ANO10: variants seen among roughly 807,000 people sequenced by gnomAD.
ANO10 encodes the protein anoctamin-10.
Under a neutral mutation model 74.7 loss-of-function variants are expected in ANO10, and 77 were observed. The ratio of observed to expected loss-of-function variants is 1.03; its 90% CI spans 0.86 to 1.25. The LOEUF (loss-of-function observed/expected upper bound fraction) is 1.25. Among genes scored for constraint, ANO10 ranks in the 50% most tolerant of loss-of-function variants. ANO10 has a pLI of 0.00. For missense variants in ANO10, 721 were observed against 778.1 expected (o/e 0.93, Z 0.87); for synonymous variants, 279 against 284.9 (o/e 0.98, Z 0.21).
chr3:43,464,449 G>A (rs2075525072), intron 11 of ANO10, among the ~76,000 whole-genome samples: 1 of 152,190 alleles, frequency 6.6e-6, no homozygotes, highest in Admixed American at 6.5e-5. Flanking sequence ...GGAGGCCAAG[G>A]TGGGAGGATC....
chr3:43,609,428 A>T (rs2082710368), intron 1 of ANO10, among the ~76,000 whole-genome samples: 1 of 152,226 alleles, frequency 6.6e-6, no homozygotes, highest in South Asian at 2.1e-4. Flanking sequence ...AATAACAAAA[A>T]ATAGCAGCCA....
intron 12 of ANO10, 24 bp downstream of exon 12, chr3:43,432,586 AC>A: frequency 6.6e-7 from 1 of 1,520,072 alleles, no homozygotes; most frequent in Non-Finnish European, 9.1e-7. Context: ...AGCAATACAT[AC>A]ATTTTCAGGA....
chr3:43,418,082 G>C (rs1009802860), intron 12 of ANO10, among the ~76,000 whole-genome samples: 9 of 152,130 alleles, frequency 5.9e-5, no homozygotes, highest in African/African-American at 1.9e-4. Context: ...TTAAAGACTG[G>C]CCTGAGCAAC....
At chr3:43,515,006 G>A (rs553148268) in intron 11 of ANO10, among the ~76,000 whole-genome samples, 1 of 152,130 alleles carries the variant, frequency 6.6e-6, no homozygotes, top group African/African-American at 2.4e-5. Flanking sequence ...TCCATCTTCA[G>A]GAACTAGAAA....
At chr3:43,530,892 A>G (rs1044201497) in intron 11 of ANO10, among the ~76,000 whole-genome samples, 21 of 151,638 alleles carry the variant, frequency 1.4e-4, no homozygotes, top group Admixed American at 1.2e-3. Context: ...GTGTGTGTGT[A>G]TGTGTGTGTG....
intron 12 of ANO10, among the ~76,000 whole-genome samples, chr3:43,379,509 G>A (rs1047354299): frequency 2.0e-5 from 3 of 152,188 alleles, no homozygotes; most frequent in African/African-American, 7.2e-5. Context: ...AAAGCCAAGA[G>A]AATCCACAGA....
chr3:43,482,102 G>C (rs2076295351), intron 11 of ANO10, among the ~76,000 whole-genome samples: 1 of 151,448 alleles, frequency 6.6e-6, no homozygotes, highest in Admixed American at 6.6e-5. Context: ...CTAATTTTTT[G>C]TATTTTCAGT....
intron 11 of ANO10, among the ~76,000 whole-genome samples, chr3:43,513,428 A>G (rs2077585406): frequency 6.6e-6 from 1 of 152,266 alleles, no homozygotes; most frequent in Non-Finnish European, 1.5e-5. Flanking sequence ...GTAACCACTA[A>G]AACAACAAAA....
chr3:43,426,251 G>A (rs560655283), intron 12 of ANO10, among the ~76,000 whole-genome samples: 16 of 152,224 alleles, frequency 1.1e-4, no homozygotes, highest in Non-Finnish European at 1.3e-4. Context: ...TCAGGACCTC[G>A]AGACTGTTCC....
At chr3:43,393,987 G>GC (rs2092328229) in intron 12 of ANO10, among the ~76,000 whole-genome samples, 1 of 152,132 alleles carries the variant, frequency 6.6e-6, no homozygotes, top group African/African-American at 2.4e-5. Flanking sequence ...AGCTAGGAGA[G>GC]AATGAACACC....
chr3:43,520,869 C>T (rs1270624656), intron 11 of ANO10, among the ~76,000 whole-genome samples: 1 of 152,030 alleles, frequency 6.6e-6, no homozygotes, highest in Non-Finnish European at 1.5e-5. Flanking sequence ...TGGAGAAGTA[C>T]TACCATGTTA....
chr3:43,423,573 T>C (rs2092852706), intron 12 of ANO10, among the ~76,000 whole-genome samples: 1 of 152,040 alleles, frequency 6.6e-6, no homozygotes, highest in Non-Finnish European at 1.5e-5. Context: ...GGAGGTGGGG[T>C]CTGTGAAGCT....
intron 11 of ANO10, among the ~76,000 whole-genome samples, chr3:43,519,524 A>G (rs1279497429): frequency 6.6e-6 from 1 of 152,228 alleles, no homozygotes; most frequent in Admixed American, 6.5e-5. Flanking sequence ...TCTGATGTCC[A>G]TTCCAGAGGA....
chr3:43,598,382 A>G (rs915047619), intron 4 of ANO10, 150 bp downstream of exon 4: 8 of 721,386 alleles, frequency 1.1e-5, no homozygotes, highest in East Asian at 2.7e-5. Flanking sequence ...TAAAGATGCA[A>G]TATACTGAGG....
intron 11 of ANO10, 48 bp downstream of exon 11, chr3:43,549,672 G>A (rs1475840674): frequency 6.2e-7 from 1 of 1,607,544 alleles, no homozygotes; most frequent in East Asian, 2.2e-5. Context: ...TTGGAATAGA[G>A]AAACGTAATA....
rs767953054 is a variant in ANO10 at position 43,577,082 on chromosome 3, G to T, written c.772C>A (p.Leu258Met). The T allele has an allele frequency of 2.5e-6, 4 of 1,614,164 alleles. No homozygotes were observed. Residue 258 changes from leucine to methionine, a missense_variant, in exon 6 of 13, where the codon CTG becomes ATG. Physicochemically the swap from Leu to Met is conservative, Grantham distance 15. Coordinates refer to ENST00000292246, the MANE Select transcript of ANO10 (RefSeq NM_018075.5). ...SFNLIWSTVI[L>M]ELWKRGCANM... ...GCACAGCCACGCTTCCACAGTTCCA[G>T]AATCACCGTGGACCAGATGAGGTTG...
At chr3:43,549,453 TTACC>T in intron 11 of ANO10, among the ~76,000 whole-genome samples, 1 of 152,288 alleles carries the variant, frequency 6.6e-6, no homozygotes. Context: ...CAAATAGGAT[TTACC>T]TACTTAGCAC....
intron 1 of ANO10, among the ~76,000 whole-genome samples, chr3:43,688,116 T>C (rs2084297721): frequency 6.6e-6 from 1 of 152,226 alleles, no homozygotes; most frequent in African/African-American, 2.4e-5. Flanking sequence ...TGTCAGTTTC[T>C]GCATAAACTC....
chr3:43,679,467 C>T (rs1022283743), intron 1 of ANO10, among the ~76,000 whole-genome samples: 1 of 152,182 alleles, frequency 6.6e-6, no homozygotes, highest in African/African-American at 2.4e-5. Flanking sequence ...TAGAGCCCAC[C>T]ACAGCTCAAG....
Sources: allele counts gnomAD v4.1 joint callset (sites outside exome capture counted in the v4.1 genomes callset), GRCh38; gene constraint gnomAD v4.1.1; transcripts MANE v1.5; gene names NCBI Gene and HGNC (gene_info 2026-07-23, HGNC 2026-07-21).